EML4: variants seen among roughly 807,000 people sequenced by gnomAD.
The protein encoded by EML4 is EMAP like 4, also known as echinoderm microtubule-associated protein-like 4.
A neutral mutation model predicts 129.0 loss-of-function variants in EML4; 72 were observed. The ratio of observed to expected loss-of-function variants is 0.56; its 90% CI spans 0.46 to 0.68. The LOEUF (loss-of-function observed/expected upper bound fraction) is 0.68, where lower values mean the gene tolerates loss of function less well. EML4 is among the 30% of genes least tolerant of loss of function. EML4 has a pLI of 0.00. For synonymous variants in EML4, 532 were observed against 405.0 expected (o/e 1.31, Z -3.77); for missense variants, 1,363 against 1,190.6 (o/e 1.14, Z -2.13).
intron 1 of EML4, among the ~76,000 whole-genome samples, chr2:42,234,914 T>C (rs955393366): frequency 6.6e-6 from 1 of 152,228 alleles, no homozygotes; most frequent in Non-Finnish European, 1.5e-5. Flanking sequence ...CCCAACACTT[T>C]GGGAGGCCAA....
chr2:42,173,303 T>G (rs1278212146), intron 1 of EML4, among the ~76,000 whole-genome samples: 1 of 149,384 alleles, frequency 6.7e-6, no homozygotes, highest in Non-Finnish European at 1.5e-5. Context: ...TTTGGAGAGG[T>G]TTTTTTTTTA....
intron 1 of EML4, among the ~76,000 whole-genome samples, chr2:42,222,354 A>C (rs1390296227): frequency 6.6e-6 from 1 of 152,168 alleles, no homozygotes; most frequent in Admixed American, 6.5e-5. Context: ...TGTGAGCCAA[A>C]AATGGTTTTT....
intron 6 of EML4, among the ~76,000 whole-genome samples, chr2:42,270,283 G>A (rs967360201): frequency 1.3e-5 from 2 of 152,180 alleles, no homozygotes; most frequent in Non-Finnish European, 2.9e-5. Flanking sequence ...TAAAGGCTAG[G>A]TGGGGTGGCT....
chr2:42,332,404 A>G lies in EML4; in HGVS notation c.*2197A>G, dbSNP rs1432390387. 4.8e-6 allele frequency: 1 copy of G among 207,234 alleles called. No individual in the cohort carries two copies. The highest frequency in any genetic ancestry group is 9.9e-6 in the Non-Finnish European group (1 of 101,372). 12.8% of individuals were successfully genotyped at this position (207,234 alleles called of 1,614,324 possible). A position where few individuals can be genotyped will look rare whatever the true frequency, so the allele number is the denominator to read the frequency against. On this transcript the variant is annotated 3_prime_UTR_variant, in exon 23 of 23. Coordinates refer to ENST00000318522, the MANE Select transcript of EML4 (RefSeq NM_019063.5). ...AGTGGGTGGGGTTATGAAATTGTAG[A>G]TGTTTTTAGAAAAACTTGTGAATGA... is the stretch of plus-strand genomic sequence containing the variant.
At chr2:42,232,643 GA>G (rs1252349025) in intron 1 of EML4, among the ~76,000 whole-genome samples, 2 of 152,220 alleles carry the variant, frequency 1.3e-5, no homozygotes, top group Admixed American at 6.5e-5. Context: ...TTAATCAAAA[GA>G]GAAGTGCTTT....
At chr2:42,205,211 C>G (rs930220950) in intron 1 of EML4, among the ~76,000 whole-genome samples, 5 of 152,028 alleles carry the variant, frequency 3.3e-5, no homozygotes, top group Admixed American at 3.3e-4. Context: ...TAAACTTGAC[C>G]TTGTAGAATT....
intron 1 of EML4, among the ~76,000 whole-genome samples, chr2:42,233,971 A>T (rs1480667550): frequency 6.6e-6 from 1 of 152,252 alleles, no homozygotes; most frequent in Non-Finnish European, 1.5e-5. Context: ...AGAAGATCCG[A>T]AAAGTAGTGC....
At chr2:42,260,205 T>C (rs1310417307) in intron 3 of EML4, among the ~76,000 whole-genome samples, 1 of 152,056 alleles carries the variant, frequency 6.6e-6, no homozygotes, top group African/African-American at 2.4e-5. Flanking sequence ...TCTCGCACTG[T>C]CATCCAGGCT....
chr2:42,332,208 T>G lies in EML4; in HGVS notation c.*2001T>G, dbSNP rs1670139947. 1 of 218,500 alleles carries G rather than the reference T, an allele frequency of 4.6e-6. No homozygotes were observed. Among genetic ancestry groups the G allele is most frequent in the Non-Finnish European group, 9.2e-6 (1 of 108,684 alleles). 13.5% of individuals were successfully genotyped at this position (218,500 alleles called of 1,614,324 possible). Reference sequence around the variant, plus strand: ...AGCTCTCAGTGATCAGCAGGGAGTTTATTTGAGGACATCAGTCACCTTTGG... The same window carrying G: ...AGCTCTCAGTGATCAGCAGGGAGTTGATTTGAGGACATCAGTCACCTTTGG... On this transcript the variant is annotated 3_prime_UTR_variant, in exon 23 of 23. Transcript: ENST00000318522.
rs1445637139 is a variant in EML4, at chr2:42,330,706, A to T, written c.*499A>T. The T allele has an allele frequency of 8.8e-6, 2 of 227,104 alleles. No individual in the cohort carries two copies. The highest frequency in any genetic ancestry group is 5.0e-5 in the Admixed American group (1 of 19,846). The allele number at this position is 227,104 out of a possible 1,614,324, so 14.1% of individuals were successfully genotyped here. A position where few individuals can be genotyped will look rare whatever the true frequency, so the allele number is the denominator to read the frequency against. ...TCTCACCCCAAATGTGTAATGGAAA[A>T]TTTTTAATTAAGAAAAACTTCAGTT... On this transcript the variant is annotated 3_prime_UTR_variant, in exon 23 of 23. Coordinates refer to ENST00000318522, the MANE Select transcript of EML4 (RefSeq NM_019063.5).
At chr2:42,287,815 CTG>C (rs1667393798) in intron 10 of EML4, among the ~76,000 whole-genome samples, 1 of 152,124 alleles carries the variant, frequency 6.6e-6, no homozygotes, top group Non-Finnish European at 1.5e-5. Flanking sequence ...TTCTGTCAAA[CTG>C]TCAAAATTTA....
At chr2:42,219,866 C>T (rs1467708489) in intron 1 of EML4, among the ~76,000 whole-genome samples, 1 of 150,206 alleles carries the variant, frequency 6.7e-6, no homozygotes, top group East Asian at 1.9e-4. Flanking sequence ...GTGGGGGTTG[C>T]AGTGAGCCAA....
chr2:42,293,664 C>T (rs1025763882), intron 11 of EML4, among the ~76,000 whole-genome samples: 1 of 152,174 alleles, frequency 6.6e-6, no homozygotes, highest in Non-Finnish European at 1.5e-5. Flanking sequence ...CAGGCTGGAG[C>T]GCAGTGGTGC....
intron 2 of EML4, 114 bp from the exon 3 acceptor site, chr2:42,256,387 A>G (rs1490191717): frequency 1.0e-6 from 1 of 973,082 alleles, no homozygotes; most frequent in Non-Finnish European, 1.5e-6. Context: ...AAACAATAAT[A>G]TACTTAATTT....
At chr2:42,220,383 A>G (rs917879511) in intron 1 of EML4, among the ~76,000 whole-genome samples, 4 of 151,804 alleles carry the variant, frequency 2.6e-5, no homozygotes, top group Non-Finnish European at 4.4e-5. Flanking sequence ...AAACTTTTTC[A>G]CTATTATTAT....
intron 10 of EML4, among the ~76,000 whole-genome samples, chr2:42,286,770 G>A (rs1248715225): frequency 6.6e-6 from 1 of 152,154 alleles, no homozygotes; most frequent in Non-Finnish European, 1.5e-5. Context: ...CAGCAAACTT[G>A]GCCAGTTCTG....
intron 13 of EML4, among the ~76,000 whole-genome samples, chr2:42,300,412 A>G (rs116343573): frequency 3.0e-4 from 46 of 152,324 alleles, no homozygotes; most frequent in African/African-American, 1.0e-3. Context: ...AAAAAACCAC[A>G]TGTGTTTGCC....
intron 1 of EML4, among the ~76,000 whole-genome samples, chr2:42,236,447 A>C (rs1674680042): frequency 6.6e-6 from 1 of 152,164 alleles, no homozygotes; most frequent in South Asian, 2.1e-4. Flanking sequence ...AGACTGGGAG[A>C]CTGCCTGGGA....
chr2:42,283,079 G>A (rs1572685754), intron 8 of EML4, 107 bp downstream of exon 8: 2 of 1,082,358 alleles, frequency 1.8e-6, no homozygotes, highest in East Asian at 5.1e-5. Context: ...AGCTCAGAAT[G>A]TAAAAATATT....
Sources: gnomAD v4.1 joint callset for allele counts (sites outside exome capture counted in the v4.1 genomes callset) on GRCh38, gnomAD v4.1.1 for gene constraint, MANE v1.5 for transcripts, NCBI Gene and HGNC (gene_info 2026-07-23, HGNC 2026-07-21) for gene names.